The following KANSL1 variants were observed in gnomAD, a reference collection of about 807,000 sequenced individuals.
The protein encoded by KANSL1 is KAT8 regulatory NSL complex subunit 1, also known as MLL1/MLL complex subunit KANSL1.
A neutral mutation model predicts 103.6 loss-of-function variants in KANSL1; 22 were observed. The observed-to-expected ratio is 0.21, with a 90% confidence interval of 0.15 to 0.30. The LOEUF (loss-of-function observed/expected upper bound fraction) is 0.30, where lower values mean the gene tolerates loss of function less well. Ranked by LOEUF, KANSL1 falls within the 10% of genes least tolerant of loss-of-function variation. The probability of loss-of-function intolerance (pLI) is 1.00; values close to 1 mark genes in which losing one functional copy is unlikely to be tolerated. For missense variants in KANSL1, 1,337 were observed against 1,399.8 expected (o/e 0.96, Z 0.72); for synonymous variants, 600 against 527.6 (o/e 1.14, Z -1.88).
chr17:46,091,571 T>C (rs1325345016), intron 3 of KANSL1, among the ~76,000 whole-genome samples: 1 of 152,206 alleles, frequency 6.6e-6, no homozygotes, highest in Admixed American at 6.5e-5. Flanking sequence ...GCTCCATTCA[T>C]GGTAAGTGCC....
chr17:46,221,529 A>G (rs1471890461), intron 1 of KANSL1: 1 of 148,910 alleles, frequency 6.7e-6, no homozygotes, highest in Non-Finnish European at 1.5e-5. Context: ...AATAATTTCC[A>G]TGAGAACTTC....
intron 2 of KANSL1, among the ~76,000 whole-genome samples, chr17:46,118,962 AG>A (rs2043160348): frequency 6.6e-6 from 1 of 152,236 alleles, no homozygotes; most frequent in African/African-American, 2.4e-5. Context: ...ATAAAATAAC[AG>A]GGGTAAACAA....
intron 1 of KANSL1, among the ~76,000 whole-genome samples, chr17:46,200,038 T>TACACACACACACACAC (rs143234563): frequency 2.6e-3 from 380 of 147,440 alleles, no homozygotes; most frequent in Middle Eastern, 0.021. Flanking sequence ...TCAATGAGTT[T>TACACACACACACACAC]ACACACACAC....
rs545397803 is a variant in KANSL1 at position 46,101,163 on chromosome 17, T to C, written c.1290-6462A>G. On this transcript the variant is annotated intron_variant, in intron 2 of 14. Transcript: ENST00000432791. ...CGTACAATTGCCAGATTAACAGTTTTCAGGGTAAGAGTTAGGGTCACTGTG... is the reference window on the plus strand; with the variant it reads ...CGTACAATTGCCAGATTAACAGTTTCCAGGGTAAGAGTTAGGGTCACTGTG... Among the ~76,000 whole-genome samples the C allele has an allele frequency of 7.2e-5, 11 of 152,308 alleles. No homozygotes were observed. In the South Asian group the frequency reaches 2.3e-3, roughly 32 times the overall value.
At chr17:46,084,240 G>C (rs184176646) in intron 3 of KANSL1, among the ~76,000 whole-genome samples, 30 of 152,176 alleles carry the variant, frequency 2.0e-4, no homozygotes, top group African/African-American at 7.2e-4. Context: ...AAATTGCCCA[G>C]GCGTCGTGGC....
chr17:46,174,666 A>G (rs1468464883), intron 1 of KANSL1, among the ~76,000 whole-genome samples: 1 of 152,244 alleles, frequency 6.6e-6, no homozygotes, highest in African/African-American at 2.4e-5. Flanking sequence ...AGTGCAAGAC[A>G]AATCATTTAT....
In KANSL1 at chr17:46,151,515, C is replaced by T. The variant is rs189574125; in HGVS notation, c.1289+19340G>A. On this transcript the variant is annotated intron_variant, in intron 2 of 14. Coordinates refer to ENST00000432791, the MANE Select transcript of KANSL1 (RefSeq NM_015443.4). ...TCCTTAGGCTCTTTCCTTTTTATAT[C>T]TCTTTATAGCACTTGTTAACTAGCC... Among the ~76,000 whole-genome samples, 234 of 152,360 alleles carry T rather than the reference C, an allele frequency of 1.5e-3. 1 individual carries two copies. The highest frequency in any genetic ancestry group is 2.1e-3 in the Non-Finnish European group (141 of 68,044).
At chr17:46,071,987 T>G (rs75626008) in intron 4 of KANSL1, among the ~76,000 whole-genome samples, 9 of 130,722 alleles carry the variant, frequency 6.9e-5, no homozygotes, top group Non-Finnish European at 9.8e-5. Flanking sequence ...CCCCCACCCC[T>G]CCCCCCGCCC....
At chr17:46,088,901 T>C (rs990271473) in intron 3 of KANSL1, among the ~76,000 whole-genome samples, 1 of 152,188 alleles carries the variant, frequency 6.6e-6, no homozygotes, top group Non-Finnish European at 1.5e-5. Flanking sequence ...AAAAACTGCT[T>C]AGTCCCTATT....
chr17:46,098,363 T>C (rs2042169830), intron 2 of KANSL1, among the ~76,000 whole-genome samples: 1 of 152,226 alleles, frequency 6.6e-6, no homozygotes, highest in Non-Finnish European at 1.5e-5. Flanking sequence ...TTAGCTGCTC[T>C]TCCCAACACC....
At chr17:46,221,100 T>C (rs2048521579) in intron 1 of KANSL1, 1 of 152,074 alleles carries the variant, frequency 6.6e-6, no homozygotes, top group Non-Finnish European at 1.5e-5. Context: ...CATACTGTTC[T>C]GCATCTTGCT....
chr17:46,131,418 T>C (rs1344653292), intron 2 of KANSL1, among the ~76,000 whole-genome samples: 1 of 152,236 alleles, frequency 6.6e-6, no homozygotes, highest in Non-Finnish European at 1.5e-5. Context: ...TCAATAAAAT[T>C]ACATTTGTCA....
intron 2 of KANSL1, among the ~76,000 whole-genome samples, chr17:46,133,486 G>T (rs932565718): frequency 6.6e-6 from 1 of 152,160 alleles, no homozygotes; most frequent in Non-Finnish European, 1.5e-5. Context: ...AAAAGCACAC[G>T]TCAAGGCATG....
chr17:46,103,076 A>G (rs17576870), intron 2 of KANSL1, among the ~76,000 whole-genome samples: 21,653 of 151,968 alleles, frequency 0.14, 2,123 homozygotes, highest in Non-Finnish European at 0.22. Flanking sequence ...TGTGGTTAGA[A>G]CTCCAACAGT....
Position 46,031,414 on chromosome 17 carries a change from C to T in KANSL1, c.*62G>A. The T allele has an allele frequency of 6.9e-7, 1 of 1,443,682 alleles. No individual in the cohort carries two copies. The highest frequency in any genetic ancestry group is 9.4e-7 in the Non-Finnish European group (1 of 1,065,378). The allele number at this position is 1,443,682 out of a possible 1,614,324, so 89.4% of individuals were successfully genotyped here. The stretch of plus-strand genomic sequence containing the variant: ...GCATATGATGTTTGAATATCAAACG[C>T]AGAGATTTCTGAAGCTTTAATGCCA... On this transcript the variant is annotated 3_prime_UTR_variant, in exon 15 of 15. Coordinates refer to ENST00000432791, the MANE Select transcript of KANSL1 (RefSeq NM_015443.4).
chr17:46,191,646 T>C (rs2047329389), intron 1 of KANSL1, among the ~76,000 whole-genome samples: 1 of 152,258 alleles, frequency 6.6e-6, no homozygotes, highest in African/African-American at 2.4e-5. Context: ...TATTTTAAAA[T>C]GTTCTCCGAC....
intron 1 of KANSL1, among the ~76,000 whole-genome samples, chr17:46,212,885 A>G (rs1039148051): frequency 5.9e-5 from 9 of 152,250 alleles, no homozygotes; most frequent in African/African-American, 2.2e-4. Context: ...TTAAAAAAAG[A>G]GTATGTCATT....
rs1300273305 is a variant in KANSL1, at chr17:46,038,564, T to C, written c.2515A>G (p.Ser839Gly). The C allele has an allele frequency of 4.3e-6, 7 of 1,614,094 alleles. No individual in the cohort carries two copies. The highest frequency in any genetic ancestry group is 5.9e-6 in the Non-Finnish European group (7 of 1,179,996). Residue 839 changes from serine (S) to glycine (G), a missense_variant, in exon 10 of 15, where the codon AGC becomes GGC. This residue lies in a region of KANSL1 where 780 missense variants were observed against 923.4 expected (regional missense o/e 0.84). Transcript: ENST00000432791. ...GATGTGCTGGCTGTAACCTGTGAGC[T>C]AGAGCTGGCGGGTGCAGGGGAATCT... ...SSDSPAPASS[S>G]SQVTASTSQQ...
chr17:46,221,257 C>T (rs1404715459), intron 1 of KANSL1: 1 of 152,074 alleles, frequency 6.6e-6, no homozygotes, highest in East Asian at 1.9e-4. Flanking sequence ...GCCCTAAGAA[C>T]TACCTGAAAC....
Sources: allele counts gnomAD v4.1 joint callset (sites outside exome capture counted in the v4.1 genomes callset), GRCh38; gene constraint gnomAD v4.1.1; regional missense constraint gnomAD v4.1.1; transcripts MANE v1.5; gene names NCBI Gene and HGNC (gene_info 2026-07-23, HGNC 2026-07-21).